The following HOOK3 variants were observed in gnomAD, a reference collection of about 807,000 sequenced individuals.
HOOK3 encodes the protein hook microtubule tethering protein 3, also known as protein Hook homolog 3.
In HOOK3, 24 loss-of-function variants were observed where a neutral mutation model predicts 116.3. The observed-to-expected ratio is 0.21, with a 90% CI of 0.15 to 0.29. HOOK3 has a LOEUF of 0.29. Ranked by LOEUF, HOOK3 falls within the 10% of genes least tolerant of loss-of-function variation. The pLI is 1.00. For missense variants in HOOK3, 632 were observed against 830.2 expected, an observed-to-expected ratio of 0.76 and a Z score of 2.93; for synonymous variants, 275 against 283.0, an observed-to-expected ratio of 0.97 and a Z score of 0.28.
intron 2 of HOOK3, among the ~76,000 whole-genome samples, chr8:42,925,232 G>A (rs147964592): frequency 0.015 from 2,324 of 151,922 alleles, 32 homozygotes; most frequent in Non-Finnish European, 0.022. Context: ...TCAGTAGCTG[G>A]GATTACAGGC....
At chr8:42,972,970 G>A (rs574371670) in intron 11 of HOOK3, among the ~76,000 whole-genome samples, 4 of 152,166 alleles carry the variant, frequency 2.6e-5, no homozygotes, top group Admixed American at 1.3e-4. Flanking sequence ...AATTAGAATC[G>A]CCCTGCCCCA....
chr8:42,925,813 G>A (rs1807754557), intron 3 of HOOK3, among the ~76,000 whole-genome samples, 184 bp downstream of exon 3: 1 of 152,186 alleles, frequency 6.6e-6, no homozygotes, highest in Non-Finnish European at 1.5e-5. Flanking sequence ...ATATGAGTCA[G>A]TAACGCATAG....
At position 43,029,402 on chromosome 8, in the gene HOOK3, C is replaced by T. The variant is rs947780669; in HGVS notation, c.*10904C>T. 4.1e-5 allele frequency: 7 copies of T among 171,550 alleles called. No individual in the cohort carries two copies. Among genetic ancestry groups the T allele is most frequent in the Non-Finnish European group, 8.8e-5 (7 of 79,102 alleles). 10.6% of individuals were successfully genotyped at this position (171,550 alleles called of 1,614,324 possible). On this transcript the variant is annotated 3_prime_UTR_variant, in exon 22 of 22. Coordinates refer to ENST00000307602, the MANE Select transcript of HOOK3 (RefSeq NM_032410.4). ...TGATCTCGTGATCTGCCCGCATTGG[C>T]CTCCTGAAGTGCTGGGATTACAGGC...
chr8:42,924,995 A>T (rs1807734921), intron 2 of HOOK3, among the ~76,000 whole-genome samples: 1 of 151,950 alleles, frequency 6.6e-6, no homozygotes, highest in Non-Finnish European at 1.5e-5. Context: ...AAACCCAAAA[A>T]CTATGTCATT....
intron 21 of HOOK3, among the ~76,000 whole-genome samples, chr8:43,015,887 T>G (rs973606684): frequency 7.9e-5 from 12 of 151,014 alleles, no homozygotes; most frequent in Non-Finnish European, 1.6e-4. Context: ...CTGGCTAATT[T>G]TTGTATTTTT....
chr8:43,001,703 G>T (rs1809383711), intron 16 of HOOK3, among the ~76,000 whole-genome samples: 1 of 151,994 alleles, frequency 6.6e-6, no homozygotes, highest in Admixed American at 6.6e-5. Flanking sequence ...ATAGAAGCTG[G>T]CCCAATACTT....
chr8:42,980,947 C>T (rs1487071461), intron 13 of HOOK3, among the ~76,000 whole-genome samples: 7 of 152,102 alleles, frequency 4.6e-5, no homozygotes, highest in African/African-American at 1.7e-4. Flanking sequence ...ATGTGATGCC[C>T]TGTGTTGCCT....
rs1808733399 is a variant in HOOK3 at position 42,971,814 on chromosome 8, G to A, written c.1123-1475G>A. On this transcript the variant is annotated intron_variant, in intron 11 of 21. Transcript: ENST00000307602. ...TCCTGCCACAGTCTCCCGAGTAGCT[G>A]GGATTACAGGAGTGCACCACCAAGC... Among the ~76,000 whole-genome samples, 6 of 152,196 alleles carry A rather than the reference G, an allele frequency of 3.9e-5. No homozygotes were observed. In the South Asian group the frequency reaches 1.2e-3, roughly 32 times the overall value.
intron 4 of HOOK3, among the ~76,000 whole-genome samples, chr8:42,934,296 G>A (rs1807924401): frequency 6.6e-6 from 1 of 151,724 alleles, no homozygotes. Flanking sequence ...AGCGCTTTAT[G>A]TTTTCTGAAT....
intron 1 of HOOK3, among the ~76,000 whole-genome samples, chr8:42,901,644 T>C (rs1241619602): frequency 6.6e-6 from 1 of 152,188 alleles, no homozygotes. Flanking sequence ...GAGAAAATAA[T>C]TGAATAAAGC....
intron 4 of HOOK3, among the ~76,000 whole-genome samples, chr8:42,934,401 T>A (rs916009743): frequency 6.6e-6 from 1 of 152,222 alleles, no homozygotes; most frequent in African/African-American, 2.4e-5. Context: ...TATGTTTTTT[T>A]AATTATTACA....
chr8:42,933,412 G>A (rs1262049268), intron 4 of HOOK3, among the ~76,000 whole-genome samples: 1 of 152,148 alleles, frequency 6.6e-6, no homozygotes, highest in African/African-American at 2.4e-5. Flanking sequence ...ACTACGTATT[G>A]TGTAAATAAC....
chr8:42,910,493 C>G (rs1459566058), intron 2 of HOOK3, among the ~76,000 whole-genome samples: 6 of 152,200 alleles, frequency 3.9e-5, no homozygotes, highest in Non-Finnish European at 8.8e-5. Context: ...CTCCTCGCTA[C>G]TCAATACCGC....
chr8:42,977,097 T>A (rs978975983), intron 13 of HOOK3, among the ~76,000 whole-genome samples: 3 of 152,222 alleles, frequency 2.0e-5, no homozygotes, highest in Admixed American at 2.0e-4. Context: ...GTAAAATTCA[T>A]TTCCTCACTT....
At chr8:43,003,876 A>G (rs747521244) in intron 17 of HOOK3, among the ~76,000 whole-genome samples, 3 of 152,140 alleles carry the variant, frequency 2.0e-5, no homozygotes, top group South Asian at 2.1e-4. Flanking sequence ...AAGGATGCCA[A>G]TCATTGGATT....
intron 4 of HOOK3, among the ~76,000 whole-genome samples, chr8:42,940,084 G>GGCC (rs1284328778): frequency 9.9e-5 from 15 of 152,110 alleles, no homozygotes; most frequent in Middle Eastern, 3.4e-3. Context: ...ACGGGGCGGC[G>GGCC]GCCGGGCAGA....
intron 5 of HOOK3, 144 bp from the exon 6 acceptor site, chr8:42,950,244 A>G (rs1026433171): frequency 3.7e-6 from 2 of 546,088 alleles, no homozygotes; most frequent in South Asian, 3.2e-5. Flanking sequence ...GGACTTTACC[A>G]ATACATTTAA....
intron 19 of HOOK3, 147 bp downstream of exon 19, chr8:43,010,552 T>C: frequency 3.8e-6 from 1 of 265,730 alleles, no homozygotes; most frequent in South Asian, 7.9e-5. Flanking sequence ...AAAAAGAACC[T>C]GAGCAACAAG....
intron 15 of HOOK3, among the ~76,000 whole-genome samples, chr8:42,989,462 T>A (rs932979391): frequency 3.7e-4 from 57 of 152,182 alleles, no homozygotes; most frequent in Non-Finnish European, 3.5e-4. Flanking sequence ...ACTTTTTATT[T>A]TTTTTATTTT....
Sources: gnomAD v4.1 joint callset for allele counts (sites outside exome capture counted in the v4.1 genomes callset) on GRCh38, gnomAD v4.1.1 for gene constraint, MANE v1.5 for transcripts, NCBI Gene and HGNC (gene_info 2026-07-23, HGNC 2026-07-21) for gene names.